Variants in UBASH3A observed in about 807,000 individuals in gnomAD.
The protein encoded by UBASH3A is ubiquitin-associated and SH3 domain-containing protein A.
Under a neutral mutation model 73.5 loss-of-function variants are expected in UBASH3A, and 63 were observed. The observed-to-expected ratio is 0.86, with a 90% CI of 0.70 to 1.06. UBASH3A has a LOEUF of 1.06. Ranked by LOEUF, UBASH3A falls within the 50% of genes least tolerant of loss-of-function variation. The probability of loss-of-function intolerance (pLI) is 0.00; values close to 1 mark genes in which losing one functional copy is unlikely to be tolerated. For synonymous variants in UBASH3A, 363 were observed against 351.1 expected, an observed-to-expected ratio of 1.03 and a Z score of -0.38; for missense variants, 860 against 859.0, an observed-to-expected ratio of 1.00 and a Z score of -0.02.
At position 42,434,867 on chromosome 21, in the gene UBASH3A, A is replaced by G; in HGVS notation, c.1306A>G (p.Ser436Gly). ...YYRPDLNFPC[S>G]LPRRSRGIKD... ...CAGGCCAGACCTGAATTTCCCCTGC[A>G]GTCTGCCAAGACGGAGTCGTGGGAT... The change falls in exon 10 of 15, where the codon AGT (serine) becomes GGT (glycine). Residue 436 changes from serine (S) to glycine (G), a missense_variant. Coordinates refer to ENST00000319294, the MANE Select transcript of UBASH3A (RefSeq NM_018961.4). The G allele has an allele frequency of 6.2e-7, 1 of 1,614,212 alleles. No individual in the cohort carries two copies. The highest frequency in any genetic ancestry group is 8.5e-7 in the Non-Finnish European group (1 of 1,180,022).
chr21:42,437,203 A>G (rs1183859368), intron 10 of UBASH3A, among the ~76,000 whole-genome samples: 1 of 152,206 alleles, frequency 6.6e-6, no homozygotes, highest in African/African-American at 2.4e-5. Context: ...ACTTTTTTCC[A>G]TGACTGGCTG....
rs2052913000 is a variant in UBASH3A at position 42,403,976 on chromosome 21, A to C, written c.31A>C (p.Lys11Gln). 6.6e-7 allele frequency: 1 copy of C among 1,525,252 alleles called. No homozygotes were observed. The highest frequency in any genetic ancestry group is 1.2e-5 in the South Asian group (1 of 80,838). The allele number at this position is 1,525,252 out of a possible 1,614,324, so 94.5% of individuals were successfully genotyped here. Residue 11 changes from lysine (K) to glutamine (Q), a missense_variant, in exon 1 of 15, where the codon AAG becomes CAG. Lys to Gln is a moderately conservative substitution (Grantham distance 53, BLOSUM62 1). Coordinates refer to ENST00000319294, the MANE Select transcript of UBASH3A (RefSeq NM_018961.4). MAAGETQLYA[K>Q]VSNKLKSRSS... ...AGCGGGGGAGACGCAGCTCTACGCC[A>C]AGGTCTCCAACAAGCTCAAGAGCCG...
chr21:42,427,480 C>T (rs1430332825), intron 8 of UBASH3A, among the ~76,000 whole-genome samples: 3 of 152,220 alleles, frequency 2.0e-5, no homozygotes, highest in East Asian at 1.9e-4. Context: ...CAAATTCGTC[C>T]GCCTGTGCCC....
intron 5 of UBASH3A, among the ~76,000 whole-genome samples, chr21:42,415,266 G>A (rs767074817): frequency 1.4e-4 from 21 of 152,282 alleles, no homozygotes; most frequent in Middle Eastern, 3.4e-3. Context: ...ACACTCACTC[G>A]CATGGCAAGG....
intron 1 of UBASH3A, among the ~76,000 whole-genome samples, chr21:42,405,630 C>T (rs772121052): frequency 4.3e-4 from 66 of 152,158 alleles, no homozygotes; most frequent in Non-Finnish European, 6.5e-4. Flanking sequence ...CATGGACGCC[C>T]GCTGTTTCCA....
At chr21:42,409,675 C>T in intron 3 of UBASH3A, 67 bp downstream of exon 3, 1 of 1,415,572 alleles carries the variant, frequency 7.1e-7, no homozygotes, top group South Asian at 1.3e-5. Flanking sequence ...CTAACTAGGC[C>T]ATGATGGGAC....
chr21:42,423,379 C>G (rs1418820937), intron 7 of UBASH3A, among the ~76,000 whole-genome samples: 1 of 152,238 alleles, frequency 6.6e-6, no homozygotes, highest in East Asian at 1.9e-4. Flanking sequence ...GGTGAGAAGA[C>G]TCGGGCCCAG....
Position 42,413,295 on chromosome 21 carries a change from C to A in UBASH3A, c.553+73C>A. 1 of 1,572,822 alleles carries A rather than the reference C, an allele frequency of 6.4e-7. No homozygotes were observed. Reference sequence around the variant, plus strand: ...GTGAGCCCTCTGTGGCAGGGACTAGCCCCCGGCACATGGATGCAGTGGGTG... The same window carrying A: ...GTGAGCCCTCTGTGGCAGGGACTAGACCCCGGCACATGGATGCAGTGGGTG... On this transcript the variant is annotated intron_variant, in intron 4 of 14. Coordinates refer to ENST00000319294, the MANE Select transcript of UBASH3A (RefSeq NM_018961.4). The surrounding 1 kb of genome is among the most constrained non-coding windows in gnomAD (Gnocchi z 4.5).
intron 11 of UBASH3A, among the ~76,000 whole-genome samples, chr21:42,441,783 AAC>A (rs2053750964): frequency 6.6e-6 from 1 of 152,184 alleles, no homozygotes; most frequent in African/African-American, 2.4e-5. Context: ...ATGGACCTAA[AAC>A]ACATTTGAGG....
rs796939696 is a variant in UBASH3A at position 42,417,878 on chromosome 21, C to CTT, written c.838-502_838-501dup. Among the ~76,000 whole-genome samples the CTT allele has an allele frequency of 9.9e-3, 892 of 90,516 alleles. 3 individuals carry two copies. The highest frequency in any genetic ancestry group is 0.017 in the East Asian group (51 of 2,982). 59.4% of individuals were successfully genotyped at this position (90,516 alleles called of 152,430 possible). A position where few individuals can be genotyped will look rare whatever the true frequency, so the allele number is the denominator to read the frequency against. On this transcript the variant is annotated intron_variant, in intron 6 of 14. Transcript: ENST00000319294. Reference sequence around the variant, plus strand: ...GTATCTCTTTTTTTTTTCTTTTTTTCTTTTTTTTTTTTTTTTTTTTTTGAG... The same window carrying CTT: ...GTATCTCTTTTTTTTTTCTTTTTTTCTTTTTTTTTTTTTTTTTTTTTTTTGAG...
At chr21:42,410,419 C>T in intron 3 of UBASH3A, 1 of 534,254 alleles carries the variant, frequency 1.9e-6, no homozygotes, top group Non-Finnish European at 3.3e-6. Context: ...CCCTCCATTC[C>T]AACACCAGGC....
rs1006218829 is a variant in UBASH3A, at chr21:42,412,939, T to C, written c.355-85T>C. On this transcript the variant is annotated intron_variant, in intron 3 of 14. Transcript: ENST00000319294. ...TGAACAGAAAAGAATCTCACTTTAA[T>C]TGCTGCCTGATTGTTATTAATTAAA... 6 of 1,139,342 alleles carry C rather than the reference T, an allele frequency of 5.3e-6. No homozygotes were observed. In the African/African-American group the frequency reaches 7.7e-5, roughly 15 times the overall value. 70.6% of individuals were successfully genotyped at this position (1,139,342 alleles called of 1,614,324 possible).
intron 11 of UBASH3A, among the ~76,000 whole-genome samples, chr21:42,442,054 G>C (rs766960882): frequency 5.9e-5 from 9 of 152,134 alleles, no homozygotes; most frequent in Admixed American, 2.0e-4. Flanking sequence ...CATTCTTCAT[G>C]ATGGGTCACA....
intron 8 of UBASH3A, 97 bp downstream of exon 8, chr21:42,426,917 G>A: frequency 6.8e-7 from 1 of 1,466,500 alleles, no homozygotes. Context: ...TGTAGCTTTT[G>A]TTCCATAGAC....
chr21:42,439,949 A>G (rs1025123236), intron 11 of UBASH3A, among the ~76,000 whole-genome samples: 1 of 125,996 alleles, frequency 7.9e-6, no homozygotes, highest in Admixed American at 8.2e-5. Context: ...CACCACACAC[A>G]CGACACACAC....
At chr21:42,431,030 G>T (rs2053519138) in intron 8 of UBASH3A, among the ~76,000 whole-genome samples, 1 of 152,240 alleles carries the variant, frequency 6.6e-6, no homozygotes, top group South Asian at 2.1e-4. Context: ...GGGTCCTGGT[G>T]CAGGGCTTAT....
chr21:42,416,164 G>A (rs887085600), intron 5 of UBASH3A, among the ~76,000 whole-genome samples: 1 of 152,096 alleles, frequency 6.6e-6, no homozygotes, highest in Non-Finnish European at 1.5e-5. Flanking sequence ...TGGAGGAGCC[G>A]TTTACTCTGT....
At chr21:42,423,019 C>G (rs549998086) in intron 7 of UBASH3A, among the ~76,000 whole-genome samples, 1 of 152,186 alleles carries the variant, frequency 6.6e-6, no homozygotes, top group Non-Finnish European at 1.5e-5. Context: ...GCATTACTTA[C>G]TCAAAACATA....
At chr21:42,442,706 T>A (rs2053769067) in intron 12 of UBASH3A, 110 bp downstream of exon 12, 2 of 1,214,718 alleles carry the variant, frequency 1.6e-6, no homozygotes, top group Non-Finnish European at 2.3e-6. Context: ...GAGGGACCAC[T>A]GCAGTGGGGT....
Sources: allele counts gnomAD v4.1 joint callset (sites outside exome capture counted in the v4.1 genomes callset), GRCh38; gene constraint gnomAD v4.1.1; non-coding constraint Gnocchi (gnomAD v3.1); transcripts MANE v1.5; gene names NCBI Gene and HGNC (gene_info 2026-07-23, HGNC 2026-07-21).